REPS1: variants seen among roughly 807,000 people sequenced by gnomAD.
The protein encoded by REPS1 is RALBP1 associated Eps domain containing 1.
Under a neutral mutation model 100.9 loss-of-function variants are expected in REPS1, and 39 were observed. The observed-to-expected ratio is 0.39, with a 90% CI of 0.30 to 0.50. The LOEUF (loss-of-function observed/expected upper bound fraction) is 0.50, where lower values mean the gene tolerates loss of function less well. Ranked by LOEUF, REPS1 falls within the 20% of genes least tolerant of loss-of-function variation. The pLI is 0.86. For missense variants in REPS1, 821 were observed against 968.5 expected, an observed-to-expected ratio of 0.85 and a Z score of 2.02; for synonymous variants, 324 against 340.3, an observed-to-expected ratio of 0.95 and a Z score of 0.53.
At chr6:138,905,744 C>T (rs1158329169) in intron 19 of REPS1, among the ~76,000 whole-genome samples, 2 of 152,122 alleles carry the variant, frequency 1.3e-5, no homozygotes, top group East Asian at 3.8e-4. Flanking sequence ...TTGCAATAAA[C>T]CCGCCCCCTG....
At chr6:138,966,323 T>C (rs532698178) in intron 1 of REPS1, among the ~76,000 whole-genome samples, 1 of 152,166 alleles carries the variant, frequency 6.6e-6, no homozygotes, top group Non-Finnish European at 1.5e-5. Context: ...TTTCTTTACT[T>C]ATAATATGAT....
chr6:138,959,079 T>C (rs921892204), intron 1 of REPS1, among the ~76,000 whole-genome samples: 9 of 152,176 alleles, frequency 5.9e-5, no homozygotes, highest in African/African-American at 2.2e-4. Flanking sequence ...CACCATGACA[T>C]GCTATACCTG....
At chr6:138,920,992 A>G (rs760990733) in intron 11 of REPS1, 45 bp downstream of exon 11, 3 of 1,305,216 alleles carry the variant, frequency 2.3e-6, no homozygotes, top group Non-Finnish European at 2.2e-6. Context: ...TACATATTTC[A>G]GTTTGATGTA....
intron 1 of REPS1, among the ~76,000 whole-genome samples, chr6:138,970,199 A>G (rs1784261270): frequency 6.6e-6 from 1 of 152,176 alleles, no homozygotes; most frequent in African/African-American, 2.4e-5. Flanking sequence ...CACTAAGAAC[A>G]GAAAAGAACG....
chr6:138,928,113 A>T (rs1480627609), intron 9 of REPS1: 1 of 152,252 alleles, frequency 6.6e-6, no homozygotes, highest in African/African-American at 2.4e-5. Flanking sequence ...CTGGAATCCC[A>T]GTTACGCTGT....
At chr6:138,945,896 A>G (rs1419079571) in intron 2 of REPS1, among the ~76,000 whole-genome samples, 199 bp from the exon 3 acceptor site, 1 of 152,196 alleles carries the variant, frequency 6.6e-6, no homozygotes, top group African/African-American at 2.4e-5. Context: ...GAAAGAAGTA[A>G]TAAAACCAAA....
At position 138,969,269 on chromosome 6, in the gene REPS1, A is replaced by ATTTTTTTTTTTTTTTTTTTT. The variant is rs71013004; in HGVS notation, c.153+18241_153+18260dup. 2.4e-3 allele frequency among the ~76,000 whole-genome samples: 180 copies of ATTTTTTTTTTTTTTTTTTTT among 74,238 alleles called. 22 individuals are homozygous for ATTTTTTTTTTTTTTTTTTTT. Among genetic ancestry groups the ATTTTTTTTTTTTTTTTTTTT allele is most frequent in the East Asian group, 3.6e-3 (7 of 1,946 alleles). 48.7% of individuals were successfully genotyped at this position (74,238 alleles called of 152,430 possible). On this transcript the variant is annotated intron_variant, in intron 1 of 19. Coordinates refer to ENST00000450536, the MANE Select transcript of REPS1 (RefSeq NM_001286611.2). ...ACACAATCTATGATACAAAGCTGTAATTTTTTTTTTTTTTTTTTTTTTTTT... is the reference window on the plus strand; with the variant it reads ...ACACAATCTATGATACAAAGCTGTAATTTTTTTTTTTTTTTTTTTTTTTTTTTTTTTTTTTTTTTTTTTTT...
chr6:138,912,924 T>C lies in REPS1; in HGVS notation c.1812A>G (p.Pro604=), dbSNP rs1360912362. 1.1e-5 allele frequency: 18 copies of C among 1,613,882 alleles called. No homozygotes were observed. The highest frequency in any genetic ancestry group is 1.7e-5 in the Admixed American group (1 of 59,988). ...SQAPGPAVHR[P]VDADGLITHT... is the part of the protein sequence containing the mutation. The stretch of plus-strand genomic sequence containing the variant: ...GAGTTATGAGGCCATCGGCATCCAC[T>C]GGGCGATGCACAGCAGGACCAGGAG... The change falls in exon 16 of 20, where the codon CCA becomes CCG. Residue 604 remains proline (P), a synonymous_variant. Coordinates refer to ENST00000450536, the MANE Select transcript of REPS1 (RefSeq NM_001286611.2).
At chr6:138,944,363 A>G (rs1416076874) in intron 5 of REPS1, 135 bp downstream of exon 5, 1 of 924,040 alleles carries the variant, frequency 1.1e-6, no homozygotes, top group Admixed American at 2.7e-5. Flanking sequence ...TGAAATGCAC[A>G]GAGCAGAATT....
intron 1 of REPS1, among the ~76,000 whole-genome samples, chr6:138,959,864 T>C (rs1783625634): frequency 6.6e-6 from 1 of 152,208 alleles, no homozygotes; most frequent in Non-Finnish European, 1.5e-5. Flanking sequence ...TCCTCTAATG[T>C]TGGCTACCAT....
chr6:138,909,119 G>A (rs893575699), intron 17 of REPS1, among the ~76,000 whole-genome samples: 5 of 152,126 alleles, frequency 3.3e-5, no homozygotes, highest in Admixed American at 3.3e-4. Flanking sequence ...ATATATACCT[G>A]TTCAACAATA....
chr6:138,905,554 G>A (rs1317403133), intron 19 of REPS1, among the ~76,000 whole-genome samples: 1 of 151,312 alleles, frequency 6.6e-6, no homozygotes, highest in Admixed American at 6.6e-5. Flanking sequence ...GCCTCCCAAA[G>A]TGCTGGGATT....
At chr6:138,982,467 A>G (rs530204245) in intron 1 of REPS1, among the ~76,000 whole-genome samples, 6 of 152,356 alleles carry the variant, frequency 3.9e-5, no homozygotes, top group African/African-American at 1.2e-4. Flanking sequence ...AAGTTTTAAG[A>G]CATTTCCCAA....
intron 1 of REPS1, among the ~76,000 whole-genome samples, chr6:138,952,900 C>T (rs1259654222): frequency 1.3e-5 from 2 of 151,156 alleles, no homozygotes; most frequent in Non-Finnish European, 2.9e-5. Flanking sequence ...TGCAATGGCA[C>T]AATCTCGGCT....
At chr6:138,961,621 C>T (rs559240250) in intron 1 of REPS1, among the ~76,000 whole-genome samples, 1 of 152,156 alleles carries the variant, frequency 6.6e-6, no homozygotes. Context: ...GTTTTATCTG[C>T]CATGACTTTT....
At chr6:138,942,057 C>T (rs1168318880) in intron 7 of REPS1, among the ~76,000 whole-genome samples, 1 of 151,864 alleles carries the variant, frequency 6.6e-6, no homozygotes, top group African/African-American at 2.4e-5. Context: ...TTTGGCCAGG[C>T]TGGTCTCGAA....
In REPS1 at chr6:138,944,300, G is replaced by C. The variant is rs368207377; in HGVS notation, c.753+198C>G. ...GCAGAAACCTTTCAAAACTTCACTA[G>C]GGAATCAGAAACAGAAATAAAATCA... On this transcript the variant is annotated intron_variant, in intron 5 of 19. Coordinates refer to ENST00000450536, the MANE Select transcript of REPS1 (RefSeq NM_001286611.2). 2.0e-5 allele frequency among the ~76,000 whole-genome samples: 3 copies of C among 152,258 alleles called. 1 individual carries two copies.
At position 138,904,862 on chromosome 6, in the gene REPS1, C is replaced by T; in HGVS notation, c.*202G>A. The T allele has an allele frequency of 4.4e-6, 2 of 457,446 alleles. No homozygotes were observed. The highest frequency in any genetic ancestry group is 7.2e-5 in the East Asian group (2 of 27,972). The allele number at this position is 457,446 out of a possible 1,614,324, so 28.3% of individuals were successfully genotyped here. ...TGTGCCAACAAACACAATCTACCCT[C>T]CAGAAAACGCCATCCTGACCTTTTT... On this transcript the variant is annotated 3_prime_UTR_variant, in exon 20 of 20. Transcript: ENST00000450536.
intron 2 of REPS1, among the ~76,000 whole-genome samples, chr6:138,946,878 G>GT (rs1352257438): frequency 1.3e-5 from 2 of 152,094 alleles, no homozygotes; most frequent in East Asian, 3.9e-4. Context: ...CTTCGATATG[G>GT]TTTGACTCTG....
Sources: gnomAD v4.1 joint callset for allele counts (sites outside exome capture counted in the v4.1 genomes callset) on GRCh38, gnomAD v4.1.1 for gene constraint, MANE v1.5 for transcripts, NCBI Gene and HGNC (gene_info 2026-07-23, HGNC 2026-07-21) for gene names.